Variants in CTSA observed in about 807,000 individuals in gnomAD.
CTSA encodes the protein cathepsin A, also known as lysosomal protective protein.
Under a neutral mutation model 66.7 loss-of-function variants are expected in CTSA, and 42 were observed. The ratio of observed to expected loss-of-function variants is 0.63; its 90% CI spans 0.49 to 0.81. The LOEUF (loss-of-function observed/expected upper bound fraction) is 0.81, where lower values mean the gene tolerates loss of function less well. Among genes scored for constraint, CTSA ranks in the 40% least tolerant of loss-of-function variants. The pLI is 0.00. For missense variants in CTSA, 525 were observed against 610.9 expected (o/e 0.86, Z 1.48); for synonymous variants, 225 against 248.6 (o/e 0.91, Z 0.89).
At position 45,897,004 on chromosome 20, in the gene CTSA, C is replaced by G. The variant is rs1474901323; in HGVS notation, c.1128C>G (p.Ser376Arg). 6.2e-7 allele frequency: 1 copy of G among 1,614,072 alleles called. No individual in the cohort carries two copies. The highest frequency in any genetic ancestry group is 1.7e-5 in the Admixed American group (1 of 60,030). Residue 376 changes from serine (S) to arginine (R), a missense_variant, in exon 12 of 15, where the codon AGC (serine) becomes AGG (arginine). Physicochemically the swap from Ser to Arg is moderately radical, Grantham distance 110 (BLOSUM62 -1). This residue lies in a region of CTSA where 274 missense variants were observed against 321.1 expected (regional missense o/e 0.85). Coordinates refer to ENST00000646241, the MANE Select transcript of CTSA (RefSeq NM_000308.4). ...VNLQYRRLYR[S>R]MNSQYLKLLS... ...TACAGTACCGCCGTCTCTACCGAAG[C>G]ATGAACTCCCAGTATCTGAAGCTGC... is the stretch of plus-strand genomic sequence containing the variant.
Position 45,898,367 on chromosome 20 carries a change from G to C in CTSA, c.1360G>C (p.Gly454Arg). ...FSHIAFLTIK[G>R]AGHMVPTDKP... ...GGAGCTCACGAACATTGCTCCTCAGGGCGCCGGCCACATGGTTCCCACCGA... is the reference window on the plus strand; with the variant it reads ...GGAGCTCACGAACATTGCTCCTCAGCGCGCCGGCCACATGGTTCCCACCGA... Residue 454 changes from glycine to arginine, a missense_variant and splice_region_variant, in exon 15 of 15, where the codon GGC (glycine) becomes CGC (arginine). Gly to Arg is a moderately radical substitution (Grantham distance 125). This residue lies in a region of CTSA where 274 missense variants were observed against 321.1 expected (regional missense o/e 0.85). Coordinates refer to ENST00000646241, the MANE Select transcript of CTSA (RefSeq NM_000308.4). The surrounding 1 kb of genome is among the most constrained non-coding windows in gnomAD (Gnocchi z 4.6). 6.2e-7 allele frequency: 1 copy of C among 1,613,402 alleles called. No homozygotes were observed. The highest frequency in any genetic ancestry group is 8.5e-7 in the Non-Finnish European group (1 of 1,179,706).
chr20:45,894,983 G>A lies in CTSA; in HGVS notation c.949-11G>A, dbSNP rs1294443018. The A allele has an allele frequency of 1.2e-6, 2 of 1,614,054 alleles. No homozygotes were observed. The highest frequency in any genetic ancestry group is 2.2e-5 in the East Asian group (1 of 44,896). ...AAGCAGAGGCCCTGACCCACTGTCT[G>A]TGCCTTCCAGGCACTGCTGCGCTCA... On this transcript the variant is annotated splice_polypyrimidine_tract_variant and intron_variant, in intron 10 of 14. Coordinates refer to ENST00000646241, the MANE Select transcript of CTSA (RefSeq NM_000308.4).
intron 5 of CTSA, 111 bp downstream of exon 5, chr20:45,892,595 T>A: frequency 6.7e-7 from 1 of 1,489,018 alleles, no homozygotes; most frequent in Non-Finnish European, 9.4e-7. Flanking sequence ...TGTCATATGC[T>A]ATTGTGGTAT....
Position 45,893,173 on chromosome 20 carries a change from T to C in CTSA, c.601-47T>C, listed in dbSNP as rs751735995. Reference sequence around the variant, plus strand: ...CTGGGTGGTAGGGTGAGGGAGGCTCTTCCTTTTTGCCCTCCACATGAGCTG... The same window carrying C: ...CTGGGTGGTAGGGTGAGGGAGGCTCCTCCTTTTTGCCCTCCACATGAGCTG... On this transcript the variant is annotated intron_variant, in intron 6 of 14. Transcript: ENST00000646241. 2.6e-6 allele frequency: 4 copies of C among 1,516,374 alleles called. No homozygotes were observed. The African/African-American group carries it at 5.5e-5, about 21-fold the overall frequency. The allele number at this position is 1,516,374 out of a possible 1,614,324, so 93.9% of individuals were successfully genotyped here. A position where few individuals can be genotyped will look rare whatever the true frequency, so the allele number is the denominator to read the frequency against.
In CTSA at chr20:45,891,592, G is replaced by C; in HGVS notation, c.24G>C (p.Pro8=). Residue 8 remains proline, a synonymous_variant, in exon 2 of 15, where the codon CCG becomes CCC. Transcript: ENST00000646241. This position sits in a 1 kb window ranked among gnomAD's most constrained non-coding sequence, Gnocchi z 4.6. MIRAAPP[P]LFLLLLLLLL... ...AGATGATCCGAGCCGCGCCGCCGCC[G>C]CTGTTCCTGCTGCTGCTGCTGCTGC... 2.6e-6 allele frequency: 4 copies of C among 1,561,128 alleles called. No homozygotes were observed. Among genetic ancestry groups the C allele is most frequent in the Non-Finnish European group, 3.4e-6 (4 of 1,162,328 alleles).
At position 45,898,773 on chromosome 20, in the gene CTSA, C is replaced by T. The variant is rs1217546585; in HGVS notation, c.*323C>T. On this transcript the variant is annotated 3_prime_UTR_variant, in exon 15 of 15. Coordinates refer to ENST00000646241, the MANE Select transcript of CTSA (RefSeq NM_000308.4). This position sits in a 1 kb window ranked among gnomAD's most constrained non-coding sequence, Gnocchi z 4.6. ...AGCCCACAGGGAGGTGGTGGACGGA[C>T]TGTAATTGATAGATTGATTATGGAA... The T allele has an allele frequency of 9.7e-6, 8 of 822,348 alleles. No homozygotes were observed. The highest frequency in any genetic ancestry group is 1.3e-5 in the Non-Finnish European group (7 of 530,294). The allele number at this position is 822,348 out of a possible 1,614,324, so 50.9% of individuals were successfully genotyped here.
chr20:45,891,580 C>G lies in CTSA; in HGVS notation c.12C>G (p.Ala4=). The G allele has an allele frequency of 6.3e-7, 1 of 1,593,524 alleles. No individual in the cohort carries two copies. Among genetic ancestry groups the G allele is most frequent in the Non-Finnish European group, 8.5e-7 (1 of 1,175,790 alleles). ...GCTGCCTCCCGTAGATGATCCGAGC[C>G]GCGCCGCCGCCGCTGTTCCTGCTGC... MIR[A]APPPLFLLLL... Residue 4 remains alanine, a synonymous_variant, in exon 2 of 15, where the codon GCC becomes GCG. Coordinates refer to ENST00000646241, the MANE Select transcript of CTSA (RefSeq NM_000308.4). The surrounding 1 kb of genome is among the most constrained non-coding windows in gnomAD (Gnocchi z 4.6).
rs1987111357 is a variant in CTSA at position 45,894,060 on chromosome 20, A to C, written c.765A>C (p.Glu255Asp). The change falls in exon 8 of 15, where the codon GAA becomes GAC. Residue 255 changes from glutamate (E) to aspartate (D), a missense_variant. By Grantham distance (45) the Glu-to-Asp change is conservative. This residue lies in a region of CTSA where 274 missense variants were observed against 321.1 expected (regional missense o/e 0.85). Transcript: ENST00000646241. ...KCNFYDNKDL[E>D]CVTNLQEVAR... ...ACTTCTATGACAACAAAGACCTGGA[A>C]TGCGTGACCAATGTGAGGTTCTGCC... 1 of 1,609,800 alleles carries C rather than the reference A, an allele frequency of 6.2e-7. No homozygotes were observed. Among genetic ancestry groups the C allele is most frequent in the African/African-American group, 1.3e-5 (1 of 74,860 alleles).
Position 45,891,685 on chromosome 20 carries a change from C to T in CTSA, c.117C>T (p.Pro39=). The change falls in exon 2 of 15, where the codon CCC becomes CCT. Residue 39 remains proline (P), a synonymous_variant. Transcript: ENST00000646241. This position sits in a 1 kb window ranked among gnomAD's most constrained non-coding sequence, Gnocchi z 4.6. ...APDQDEIQRL[P]GLAKQPSFRQ... The stretch of plus-strand genomic sequence containing the variant: ...ACCAGGACGAGATCCAGCGCCTCCC[C>T]GGGCTGGCCAAGCAGCCGTCTTTCC... The T allele has an allele frequency of 1.2e-6, 2 of 1,613,186 alleles. No individual in the cohort carries two copies. Among genetic ancestry groups the T allele is most frequent in the East Asian group, 2.2e-5 (1 of 44,876 alleles).
Position 45,898,216 on chromosome 20 carries a change from T to C in CTSA, c.1359+107T>C, listed in dbSNP as rs942876434. The C allele has an allele frequency of 1.6e-5, 22 of 1,384,916 alleles. No homozygotes were observed. Among genetic ancestry groups the C allele is most frequent in the Non-Finnish European group, 2.2e-5 (22 of 988,056 alleles). The allele number at this position is 1,384,916 out of a possible 1,614,324, so 85.8% of individuals were successfully genotyped here. A position where few individuals can be genotyped will look rare whatever the true frequency, so the allele number is the denominator to read the frequency against. ...TTAGGCTGGGTCATGGGTCACCATCTGGCCCCTGTATGGGCAAGTTTTTTT... is the reference window on the plus strand; with the variant it reads ...TTAGGCTGGGTCATGGGTCACCATCCGGCCCCTGTATGGGCAAGTTTTTTT... On this transcript the variant is annotated intron_variant, in intron 14 of 14. Transcript: ENST00000646241. The surrounding 1 kb of genome is among the most constrained non-coding windows in gnomAD (Gnocchi z 4.6).
At chr20:45,892,093 C>A in intron 3 of CTSA, 66 bp downstream of exon 3, 1 of 1,524,650 alleles carries the variant, frequency 6.6e-7, no homozygotes, top group Non-Finnish European at 9.1e-7. Context: ...GAGAGAGGGG[C>A]TTTGTGATTT....
At position 45,897,787 on chromosome 20, in the gene CTSA, T is replaced by C. The variant is rs762808448; in HGVS notation, c.1235T>C (p.Val412Ala). The change falls in exon 13 of 15, where the codon GTG (valine) becomes GCG (alanine). Residue 412 changes from valine (V) to alanine (A), a missense_variant. By Grantham distance (64) the Val-to-Ala change is moderately conservative. Around this residue, in one of 3 missense-constraint regions of CTSA, gnomAD observed 274 missense variants for 321.1 expected, o/e 0.85. Coordinates refer to ENST00000646241, the MANE Select transcript of CTSA (RefSeq NM_000308.4). ...AATTTCATGGGGGATGAGTGGTTTG[T>C]GGATTCCCTCAACCAGAAGGTAAGG... ...ACNFMGDEWF[V>A]DSLNQKMEVQ... 6.2e-7 allele frequency: 1 copy of C among 1,610,692 alleles called. No homozygotes were observed. The highest frequency in any genetic ancestry group is 1.1e-5 in the South Asian group (1 of 91,026).
In CTSA at chr20:45,893,975, T is replaced by G; in HGVS notation, c.693-13T>G. The G allele has an allele frequency of 4.5e-6, 7 of 1,572,330 alleles. No homozygotes were observed. The highest frequency in any genetic ancestry group is 6.1e-6 in the Non-Finnish European group (7 of 1,142,812). On this transcript the variant is annotated splice_polypyrimidine_tract_variant and intron_variant, in intron 7 of 14. Transcript: ENST00000646241. ...CCAGCAGCTGATGCGCTTTTCACTC[T>G]CATCTCCTACAGGCTTTGGTCTTCT...
chr20:45,898,239 T>C lies in CTSA; in HGVS notation c.1360-128T>C. 7.5e-7 allele frequency: 1 copy of C among 1,338,154 alleles called. No individual in the cohort carries two copies. Among genetic ancestry groups the C allele is most frequent in the Non-Finnish European group, 1.1e-6 (1 of 949,206 alleles). The allele number at this position is 1,338,154 out of a possible 1,614,324, so 82.9% of individuals were successfully genotyped here. A position where few individuals can be genotyped will look rare whatever the true frequency, so the allele number is the denominator to read the frequency against. On this transcript the variant is annotated intron_variant, in intron 14 of 14. Transcript: ENST00000646241. This position sits in a 1 kb window ranked among gnomAD's most constrained non-coding sequence, Gnocchi z 4.6. ...TCTGGCCCCTGTATGGGCAAGTTTT[T>C]TTGGAGAGGGGTGGGGAGGGTTCTG...
Position 45,892,837 on chromosome 20 carries a change from C to T in CTSA, c.557C>T (p.Thr186Ile). ...AGCTATGCTGGCATCTACATCCCCA[C>T]CCTGGCCGTGCTGGTCATGCAGGAT... is the stretch of plus-strand genomic sequence containing the variant. ...GESYAGIYIP[T>I]LAVLVMQDPS... Residue 186 changes from threonine to isoleucine, a missense_variant, in exon 6 of 15, where the codon ACC becomes ATC. By Grantham distance (89) the Thr-to-Ile change is moderately conservative (BLOSUM62 -1). Around this residue, in one of 3 missense-constraint regions of CTSA, gnomAD observed 246 missense variants for 267.4 expected, o/e 0.92. Coordinates refer to ENST00000646241, the MANE Select transcript of CTSA (RefSeq NM_000308.4). The T allele has an allele frequency of 6.2e-7, 1 of 1,614,194 alleles. No homozygotes were observed. Among genetic ancestry groups the T allele is most frequent in the Non-Finnish European group, 8.5e-7 (1 of 1,180,028 alleles).
At chr20:45,892,237 C>T (rs746922549) in intron 3 of CTSA, 36 bp from the exon 4 acceptor site, 96 of 1,610,690 alleles carry the variant, frequency 6.0e-5, no homozygotes, top group Non-Finnish European at 4.1e-5. Flanking sequence ...CCCAGCTGGC[C>T]CTTGGGACTT....
intron 6 of CTSA, 137 bp downstream of exon 6, chr20:45,893,017 C>A: frequency 9.1e-7 from 1 of 1,099,464 alleles, no homozygotes; most frequent in Non-Finnish European, 1.3e-6. Flanking sequence ...TGCCCTAGGT[C>A]TGTCTGTGTG....
chr20:45,893,394 C>G (rs2145817106), intron 7 of CTSA, 83 bp downstream of exon 7: 2 of 1,027,382 alleles, frequency 1.9e-6, no homozygotes, highest in Non-Finnish European at 1.5e-6. Flanking sequence ...CATGATATGA[C>G]AGGCCCAGCC....
intron 6 of CTSA, 122 bp downstream of exon 6, chr20:45,893,002 C>A: frequency 1.7e-6 from 2 of 1,207,920 alleles, no homozygotes; most frequent in Non-Finnish European, 1.2e-6. Flanking sequence ...CTCCCCACCA[C>A]CGGCTGCCCT....
Sources: gnomAD v4.1 joint callset for allele counts on GRCh38, gnomAD v4.1.1 for gene constraint, gnomAD v4.1.1 regional missense constraint, Gnocchi (gnomAD v3.1) non-coding constraint, MANE v1.5 for transcripts, NCBI Gene and HGNC (gene_info 2026-07-23, HGNC 2026-07-21) for gene names.